NDUFAF2: variants seen among roughly 807,000 people sequenced by gnomAD.
NDUFAF2 encodes the protein NADH dehydrogenase [ubiquinone] 1 alpha subcomplex assembly factor 2.
A neutral mutation model predicts 22.8 loss-of-function variants in NDUFAF2; 13 were observed. The ratio of observed to expected loss-of-function variants is 0.57; its 90% CI spans 0.37 to 0.91. The LOEUF (loss-of-function observed/expected upper bound fraction) is 0.91, where lower values mean the gene tolerates loss of function less well. NDUFAF2 is among the 40% of genes least tolerant of loss of function. The pLI is 0.01. For missense variants in NDUFAF2, 162 were observed against 195.2 expected (o/e 0.83, Z 1.01); for synonymous variants, 53 against 64.2 (o/e 0.83, Z 0.84).
intron 3 of NDUFAF2, among the ~76,000 whole-genome samples, chr5:61,152,176 ATCC>A (rs1741251699): frequency 6.6e-6 from 1 of 152,032 alleles, no homozygotes. Flanking sequence ...TTCCATTCCT[ATCC>A]TCCTCCTTTC....
intron 1 of NDUFAF2, among the ~76,000 whole-genome samples, chr5:60,959,086 T>C (rs886287185): frequency 2.0e-5 from 3 of 152,112 alleles, no homozygotes; most frequent in Non-Finnish European, 4.4e-5. Flanking sequence ...CTAAAAATTA[T>C]AATGAATTAG....
intron 1 of NDUFAF2, among the ~76,000 whole-genome samples, chr5:61,025,788 T>C (rs900217591): frequency 3.9e-5 from 6 of 152,034 alleles, no homozygotes; most frequent in Non-Finnish European, 8.8e-5. Context: ...TGTTTACCAC[T>C]AATTACAAAA....
At chr5:60,949,118 CAT>C (rs1468627639) in intron 1 of NDUFAF2, among the ~76,000 whole-genome samples, 4 of 152,140 alleles carry the variant, frequency 2.6e-5, no homozygotes, top group Non-Finnish European at 4.4e-5. Flanking sequence ...AATTTGAACA[CAT>C]GTGATTCATG....
intron 2 of NDUFAF2, among the ~76,000 whole-genome samples, chr5:61,088,071 T>C (rs928679503): frequency 8.5e-5 from 13 of 152,088 alleles, no homozygotes; most frequent in African/African-American, 3.1e-4. Context: ...TGTGTGGTTG[T>C]TGGCAGCATT....
chr5:61,025,150 G>A (rs1361389738), intron 1 of NDUFAF2, among the ~76,000 whole-genome samples: 1 of 149,792 alleles, frequency 6.7e-6, no homozygotes, highest in Non-Finnish European at 1.5e-5. Context: ...TTTTCTTTTT[G>A]CCTCTCAACT....
At position 61,097,351 on chromosome 5, in the gene NDUFAF2, C is replaced by T. The variant is rs551025901; in HGVS notation, c.218-1641C>T. ...ACTTTAAATGTGTTCAGAACACTTA[C>T]ATTAACCTACAGTTGGGCAAAATCA... On this transcript the variant is annotated intron_variant, in intron 2 of 3. Transcript: ENST00000296597. 4.7e-5 allele frequency among the ~76,000 whole-genome samples: 7 copies of T among 149,932 alleles called. No individual in the cohort carries two copies. In the South Asian group the frequency reaches 1.3e-3, roughly 27 times the overall value.
At chr5:61,133,521 G>A (rs1407727709) in intron 3 of NDUFAF2, among the ~76,000 whole-genome samples, 1 of 152,114 alleles carries the variant, frequency 6.6e-6, no homozygotes, top group Non-Finnish European at 1.5e-5. Flanking sequence ...ATATAAATAA[G>A]TTTGTATCTA....
chr5:61,100,917 G>A (rs1349129963), intron 3 of NDUFAF2, among the ~76,000 whole-genome samples: 3 of 151,976 alleles, frequency 2.0e-5, no homozygotes, highest in African/African-American at 4.8e-5. Flanking sequence ...ACTGATGGTC[G>A]AGATTAGAAC....
At chr5:60,968,109 A>G (rs1393121838) in intron 1 of NDUFAF2, among the ~76,000 whole-genome samples, 1 of 151,706 alleles carries the variant, frequency 6.6e-6, no homozygotes. Flanking sequence ...ATTCTAGGTT[A>G]TACAATTTGT....
chr5:61,026,814 A>G (rs984467528), intron 1 of NDUFAF2, among the ~76,000 whole-genome samples: 1 of 152,072 alleles, frequency 6.6e-6, no homozygotes, highest in Middle Eastern at 3.4e-3. Flanking sequence ...AAATGTACAA[A>G]AAGTTCTTTC....
chr5:60,979,234 C>T (rs1277549291), intron 1 of NDUFAF2, among the ~76,000 whole-genome samples: 1 of 152,134 alleles, frequency 6.6e-6, no homozygotes, highest in Non-Finnish European at 1.5e-5. Context: ...CAGCACATTC[C>T]AGCTGTGGTG....
At chr5:61,005,242 C>T (rs1346080924) in intron 1 of NDUFAF2, among the ~76,000 whole-genome samples, 1 of 152,102 alleles carries the variant, frequency 6.6e-6, no homozygotes, top group Non-Finnish European at 1.5e-5. Flanking sequence ...CTAGCTTCAT[C>T]CATGTCCCTA....
rs1240336890 is a variant in NDUFAF2 at position 61,147,437 on chromosome 5, C to CTTTTT, written c.259-5254_259-5250dup. The stretch of plus-strand genomic sequence containing the variant: ...CTAATTTTTGTATTTTTTTTTCTTT[C>CTTTTT]TTTTTTTTTTTTTTTTTGTAGCAAC... On this transcript the variant is annotated intron_variant, in intron 3 of 3. Transcript: ENST00000296597. Among the ~76,000 whole-genome samples, 71 of 84,740 alleles carry CTTTTT rather than the reference C, an allele frequency of 8.4e-4. 3 individuals carry two copies. Among genetic ancestry groups the CTTTTT allele is most frequent in the African/African-American group, 2.8e-3 (67 of 24,286 alleles). 55.6% of individuals were successfully genotyped at this position (84,740 alleles called of 152,430 possible). A position where few individuals can be genotyped will look rare whatever the true frequency, so the allele number is the denominator to read the frequency against.
chr5:60,960,324 G>C (rs1005050354), intron 1 of NDUFAF2, among the ~76,000 whole-genome samples: 4 of 152,084 alleles, frequency 2.6e-5, no homozygotes, highest in African/African-American at 9.7e-5. Context: ...CATTTGTTGT[G>C]ACTCGCTGTA....
chr5:61,141,980 C>G (rs2111826839), intron 3 of NDUFAF2, among the ~76,000 whole-genome samples: 1 of 152,286 alleles, frequency 6.6e-6, no homozygotes, highest in African/African-American at 2.4e-5. Flanking sequence ...CTCCAGGGCT[C>G]TTGCCTTTCT....
chr5:61,075,916 AG>A (rs1419988385), intron 2 of NDUFAF2, among the ~76,000 whole-genome samples: 5 of 152,174 alleles, frequency 3.3e-5, no homozygotes, highest in African/African-American at 1.2e-4. Flanking sequence ...TTTATTTAGT[AG>A]GTATCTATTA....
intron 1 of NDUFAF2, among the ~76,000 whole-genome samples, chr5:61,047,132 G>A (rs1184653238): frequency 1.3e-5 from 2 of 151,782 alleles, no homozygotes; most frequent in Non-Finnish European, 2.9e-5. Context: ...ACTTTCTGTG[G>A]TCAAAACCTG....
At chr5:61,049,125 C>A (rs1056671323) in intron 1 of NDUFAF2, among the ~76,000 whole-genome samples, 2 of 151,850 alleles carry the variant, frequency 1.3e-5, no homozygotes, top group African/African-American at 4.8e-5. Flanking sequence ...TCAATTATAT[C>A]CTTGTGGATA....
chr5:61,068,304 A>T (rs948936141), intron 1 of NDUFAF2, among the ~76,000 whole-genome samples: 6 of 152,098 alleles, frequency 3.9e-5, no homozygotes, highest in African/African-American at 1.4e-4. Flanking sequence ...TTATCTTCAC[A>T]TTTTAAACAC....
Sources: allele counts gnomAD v4.1 joint callset (sites outside exome capture counted in the v4.1 genomes callset), GRCh38; gene constraint gnomAD v4.1.1; transcripts MANE v1.5; gene names NCBI Gene and HGNC (gene_info 2026-07-23, HGNC 2026-07-21).